The following GRM4 variants were observed in gnomAD, a reference collection of about 807,000 sequenced individuals.
GRM4 encodes the protein glutamate metabotropic receptor 4.
GRM4 carries 28 observed loss-of-function variants against 81.7 expected under a neutral mutation model. That is an observed-to-expected ratio of 0.34 (90% confidence interval 0.25 to 0.47). The LOEUF (loss-of-function observed/expected upper bound fraction) is 0.47, where lower values mean the gene tolerates loss of function less well. Ranked by LOEUF, GRM4 falls within the 20% of genes least tolerant of loss-of-function variation. The pLI, the probability that GRM4 is intolerant of heterozygous loss-of-function variation, is 1.00. For missense variants in GRM4, 948 were observed against 1,290.0 expected (o/e 0.73, Z 4.06); for synonymous variants, 488 against 528.8 (o/e 0.92, Z 1.06).
At chr6:34,038,734 A>T (rs963840896) in intron 8 of GRM4, among the ~76,000 whole-genome samples, 4 of 152,148 alleles carry the variant, frequency 2.6e-5, no homozygotes, top group African/African-American at 9.7e-5. Context: ...GAGGACTAAG[A>T]GGGCATTGGG....
intron 6 of GRM4, chr6:34,055,043 T>TGACTCTCCATATCCTC (rs1765801345): frequency 6.6e-6 from 1 of 152,226 alleles, no homozygotes; most frequent in South Asian, 2.1e-4. Context: ...TTGGTCTCTC[T>TGACTCTCCATATCCTC]GACTCTCCAT....
intron 9 of GRM4, among the ~76,000 whole-genome samples, chr6:34,029,443 C>A (rs563858867): frequency 5.9e-5 from 9 of 152,130 alleles, no homozygotes; most frequent in Non-Finnish European, 1.2e-4. Flanking sequence ...TCTGGCAGTA[C>A]CCCCCATGTA....
chr6:34,055,850 ACTGCCCCTCCCCTGTGCGGCCTATCCCT>A (rs1157345027), intron 6 of GRM4: 3 of 152,206 alleles, frequency 2.0e-5, no homozygotes, highest in Non-Finnish European at 4.4e-5. Flanking sequence ...TGGCCCGATC[ACTGCCCCTCCCCTGTGCGGCCTATCCCT>A]CTCATGTGAG....
chr6:34,134,136 A>G (rs898887890), intron 1 of GRM4, among the ~76,000 whole-genome samples: 2 of 152,160 alleles, frequency 1.3e-5, no homozygotes, highest in Non-Finnish European at 2.9e-5. Context: ...CCCCAGGAAC[A>G]GCCTCGAACT....
chr6:34,043,066 T>G (rs2127448249), intron 6 of GRM4, among the ~76,000 whole-genome samples: 1 of 152,204 alleles, frequency 6.6e-6, no homozygotes, highest in African/African-American at 2.4e-5. Context: ...CCGCTGCCAT[T>G]TTAAAGACAA....
At chr6:34,045,590 C>G (rs1262988102) in intron 6 of GRM4, among the ~76,000 whole-genome samples, 1 of 152,218 alleles carries the variant, frequency 6.6e-6, no homozygotes, top group African/African-American at 2.4e-5. Context: ...AGCCGCTGAC[C>G]TGCCTCCTTC....
chr6:34,029,220 G>C (rs1175255436), intron 9 of GRM4, among the ~76,000 whole-genome samples: 1 of 152,144 alleles, frequency 6.6e-6, no homozygotes, highest in African/African-American at 2.4e-5. Flanking sequence ...CCTGGGTCTG[G>C]GCATGAAGGA....
chr6:34,037,635 CGGGA>C (rs1396426334), intron 8 of GRM4, among the ~76,000 whole-genome samples: 1 of 151,840 alleles, frequency 6.6e-6, no homozygotes, highest in Non-Finnish European at 1.5e-5. Flanking sequence ...GAGGGCAAGG[CGGGA>C]GGATCATGAG....
intron 2 of GRM4, among the ~76,000 whole-genome samples, chr6:34,100,486 G>A (rs1768776500): frequency 6.6e-6 from 1 of 152,124 alleles, no homozygotes; most frequent in Non-Finnish European, 1.5e-5. Context: ...CTGCTCCTGT[G>A]TCCACCAGCC....
In GRM4 at chr6:34,036,248, G is replaced by A. The variant is rs1764702752; in HGVS notation, c.1862C>T (p.Ser621Leu). Residue 621 changes from serine to leucine, a missense_variant, in exon 9 of 11, where the codon TCG becomes TTG. By Grantham distance (145) the Ser-to-Leu change is moderately radical (BLOSUM62 -2). Coordinates refer to ENST00000538487, the MANE Select transcript of GRM4 (RefSeq NM_000841.4). This position sits in a 1 kb window ranked among gnomAD's most constrained non-coding sequence, Gnocchi z 9.0. ...CAGCACGTAGCTCAGTTCACGGCCC[G>A]AGGCCTTGACGATGGGCGTGTCGTT... ...RYNDTPIVKA[S>L]GRELSYVLLA... 4 of 1,613,994 alleles carry A rather than the reference G, an allele frequency of 2.5e-6. No homozygotes were observed. The highest frequency in any genetic ancestry group is 2.7e-5 in the African/African-American group (2 of 74,930).
intron 1 of GRM4, among the ~76,000 whole-genome samples, chr6:34,141,523 C>T (rs1287415942): frequency 3.3e-5 from 5 of 152,176 alleles, no homozygotes; most frequent in Non-Finnish European, 5.9e-5. Context: ...ACTGCTGCCA[C>T]GAGATTGCTA....
At chr6:34,144,683 GTGCAAATAA>G (rs1414029528) in intron 1 of GRM4, among the ~76,000 whole-genome samples, 1 of 151,996 alleles carries the variant, frequency 6.6e-6, no homozygotes, top group Non-Finnish European at 1.5e-5. Context: ...CCGGGAAGAG[GTGCAAATAA>G]TGCCCCGCGC....
At chr6:34,072,274 T>G (rs1766949918) in intron 3 of GRM4, among the ~76,000 whole-genome samples, 1 of 94,662 alleles carries the variant, frequency 1.1e-5, no homozygotes, top group African/African-American at 4.3e-5. Context: ...AGACACACGA[T>G]CACCACACAT....
At chr6:34,056,514 C>T (rs572359596) in intron 6 of GRM4, 30 bp downstream of exon 6, 6 of 1,597,126 alleles carry the variant, frequency 3.8e-6, no homozygotes, top group East Asian at 2.3e-5. Context: ...TCCTAGAGCC[C>T]GCCCGGCCCT....
intron 6 of GRM4, among the ~76,000 whole-genome samples, chr6:34,044,731 C>T (rs1381795790): frequency 8.3e-6 from 1 of 120,034 alleles, no homozygotes; most frequent in Non-Finnish European, 1.7e-5. Flanking sequence ...CACACACAGA[C>T]ATACATACAT....
At chr6:34,025,710 A>C (rs1411873925) in intron 10 of GRM4, among the ~76,000 whole-genome samples, 1 of 152,208 alleles carries the variant, frequency 6.6e-6, no homozygotes, top group Non-Finnish European at 1.5e-5. Context: ...CTTGGGGACC[A>C]GTCCTGCCCG....
chr6:34,040,889 C>T (rs1009665368), intron 6 of GRM4, 141 bp from the exon 7 acceptor site: 2 of 679,978 alleles, frequency 2.9e-6, no homozygotes, highest in African/African-American at 1.8e-5. Context: ...GACTCCCAGC[C>T]CAGTGCTCTA....
chr6:34,127,768 T>C (rs1770076469), intron 2 of GRM4, among the ~76,000 whole-genome samples: 1 of 151,906 alleles, frequency 6.6e-6, no homozygotes, highest in South Asian at 2.1e-4. Context: ...AAGACGGTGG[T>C]CAAAAATGCC....
At chr6:34,096,711 G>C (rs139935435) in intron 2 of GRM4, among the ~76,000 whole-genome samples, 11 of 152,184 alleles carry the variant, frequency 7.2e-5, no homozygotes, top group Non-Finnish European at 1.5e-4. Flanking sequence ...GTGACACGCA[G>C]TGTGCCTGCA....
Sources: allele counts gnomAD v4.1 joint callset (sites outside exome capture counted in the v4.1 genomes callset), GRCh38; gene constraint gnomAD v4.1.1; non-coding constraint Gnocchi (gnomAD v3.1); transcripts MANE v1.5; gene names NCBI Gene and HGNC (gene_info 2026-07-23, HGNC 2026-07-21).